Variants in KIF27 observed in about 807,000 individuals in gnomAD.
KIF27 encodes the protein kinesin-like protein KIF27.
Under a neutral mutation model 141.8 loss-of-function variants are expected in KIF27, and 84 were observed. The observed-to-expected ratio is 0.59, with a 90% confidence interval of 0.50 to 0.71. KIF27 has a LOEUF of 0.71. KIF27 is among the 30% of genes least tolerant of loss of function. KIF27 has a pLI of 0.00. For missense variants in KIF27, 1,306 were observed against 1,628.4 expected (o/e 0.80, Z 3.41); for synonymous variants, 471 against 569.5 (o/e 0.83, Z 2.46).
chr9:83,861,425 C>A (rs991597489), intron 13 of KIF27, among the ~76,000 whole-genome samples: 5 of 151,028 alleles, frequency 3.3e-5, no homozygotes, highest in African/African-American at 1.2e-4. Context: ...TGAGAATATG[C>A]GGTGTTTGGA....
chr9:83,867,537 T>G (rs148013728), intron 13 of KIF27, 147 bp downstream of exon 13: 17,522 of 1,073,040 alleles, frequency 0.016, 207 homozygotes, highest in South Asian at 0.036. Flanking sequence ...TTGCACCATT[T>G]TCCAATTTCA....
At position 83,869,977 on chromosome 9, in the gene KIF27, C is replaced by T. The variant is rs185374001; in HGVS notation, c.2757+542G>A. ...TAGAAGCCCAAATCTTAGCATCACA[C>T]AATATACCCATGTAACAAACCTGCA... is the stretch of plus-strand genomic sequence containing the variant. On this transcript the variant is annotated intron_variant, in intron 12 of 17. Transcript: ENST00000297814. Among the ~76,000 whole-genome samples, 284 of 152,250 alleles carry T rather than the reference C, an allele frequency of 1.9e-3. 1 individual carries two copies. The highest frequency in any genetic ancestry group is 3.4e-3 in the Non-Finnish European group (233 of 68,018).
At position 83,842,226 on chromosome 9, in the gene KIF27, A is replaced by C. The variant is rs772908110; in HGVS notation, c.3721+11T>G. ...AAACAGTGTTAAGAGTGACAACACT[A>C]AAAGTCTTACACTCTGATGGTGCTA... On this transcript the variant is annotated intron_variant, in intron 17 of 17. Coordinates refer to ENST00000297814, the MANE Select transcript of KIF27 (RefSeq NM_017576.4). 22 of 1,529,406 alleles carry C rather than the reference A, an allele frequency of 1.4e-5. No individual in the cohort carries two copies. The South Asian group carries it at 2.5e-4, about 17-fold the overall frequency. The allele number at this position is 1,529,406 out of a possible 1,614,324, so 94.7% of individuals were successfully genotyped here.
At chr9:83,910,978 G>T (rs1955095618) in intron 2 of KIF27, among the ~76,000 whole-genome samples, 1 of 152,028 alleles carries the variant, frequency 6.6e-6, no homozygotes, top group African/African-American at 2.4e-5. Flanking sequence ...TTGGAAAAAG[G>T]AATGAAGTTC....
intron 11 of KIF27, among the ~76,000 whole-genome samples, chr9:83,879,118 T>C (rs865869890): frequency 1.3e-5 from 2 of 150,392 alleles, no homozygotes; most frequent in Non-Finnish European, 3.0e-5. Context: ...GCGGAGGTTG[T>C]GTTGAGCCGA....
chr9:83,920,995 G>A (rs908276225), intron 1 of KIF27, among the ~76,000 whole-genome samples: 11 of 152,164 alleles, frequency 7.2e-5, no homozygotes, highest in African/African-American at 2.2e-4. Flanking sequence ...ACCTCACGCC[G>A]TGCAGCGACA....
intron 5 of KIF27, among the ~76,000 whole-genome samples, chr9:83,892,440 TA>T (rs1456484290): frequency 1.3e-5 from 2 of 150,590 alleles, no homozygotes; most frequent in Non-Finnish European, 3.0e-5. Context: ...AAAAAAAGAG[TA>T]AAACTATAAC....
intron 15 of KIF27, among the ~76,000 whole-genome samples, 169 bp downstream of exon 15, chr9:83,853,460 C>T (rs1948834850): frequency 6.6e-6 from 1 of 152,218 alleles, no homozygotes; most frequent in Non-Finnish European, 1.5e-5. Flanking sequence ...AATCACAAAG[C>T]TTTCAGATGA....
At chr9:83,910,446 T>G in intron 2 of KIF27, among the ~76,000 whole-genome samples, 1 of 152,208 alleles carries the variant, frequency 6.6e-6, no homozygotes, top group Non-Finnish European at 1.5e-5. Flanking sequence ...TTGGCAAGAA[T>G]GCTTTTTAAA....
In KIF27 at chr9:83,903,168, C is replaced by T. The variant is rs1300162132; in HGVS notation, c.1350G>A (p.Arg450=). The part of the protein sequence containing the change: ...QEWFNMIQEV[R]KAVLTSFRGI... The stretch of plus-strand genomic sequence containing the variant: ...CTCGAAATGAGGTGAGGACAGCCTT[C>T]CTGACCTCTTGGATCATGTTAAACC... Residue 450 remains arginine (R), a synonymous_variant, in exon 4 of 18, where the codon AGG becomes AGA. Coordinates refer to ENST00000297814, the MANE Select transcript of KIF27 (RefSeq NM_017576.4). 5 of 1,614,124 alleles carry T rather than the reference C, an allele frequency of 3.1e-6. No homozygotes were observed. The highest frequency in any genetic ancestry group is 4.2e-6 in the Non-Finnish European group (5 of 1,180,000).
At chr9:83,851,286 A>G (rs1410193057) in intron 15 of KIF27, among the ~76,000 whole-genome samples, 1 of 152,206 alleles carries the variant, frequency 6.6e-6, no homozygotes, top group Non-Finnish European at 1.5e-5. Flanking sequence ...TGAAACATCT[A>G]GACAATTCCA....
intron 10 of KIF27, among the ~76,000 whole-genome samples, chr9:83,882,028 G>A (rs904301558): frequency 2.0e-5 from 3 of 152,038 alleles, no homozygotes; most frequent in Non-Finnish European, 4.4e-5. Flanking sequence ...TGAAATAACT[G>A]TTTTATACCA....
At chr9:83,845,905 TG>T (rs894368252) in intron 16 of KIF27, among the ~76,000 whole-genome samples, 1 of 152,150 alleles carries the variant, frequency 6.6e-6, no homozygotes, top group Non-Finnish European at 1.5e-5. Context: ...CCCAAGTGAG[TG>T]CTCACCAACG....
At chr9:83,886,895 T>C in intron 9 of KIF27, 146 bp downstream of exon 9, 1 of 788,132 alleles carries the variant, frequency 1.3e-6, no homozygotes, top group Non-Finnish European at 1.8e-6. Flanking sequence ...AACCTCCACA[T>C]ATTGGCCTAA....
In KIF27 at chr9:83,903,681, G is replaced by A. The variant is rs150432893; in HGVS notation, c.837C>T (p.Ser279=). 8.6e-5 allele frequency: 139 copies of A among 1,613,938 alleles called. No homozygotes were observed. Among genetic ancestry groups the A allele is most frequent in the African/African-American group, 2.5e-4 (19 of 74,872 alleles). The change falls in exon 4 of 18, where the codon AGC becomes AGT. Residue 279 remains serine, a synonymous_variant. Coordinates refer to ENST00000297814, the MANE Select transcript of KIF27 (RefSeq NM_017576.4). ...TCTTCCTGCGTGGGTCCCCAAGAGC[G>A]CTTATTACATTTCCTAAAGCCAGCA... The part of the protein sequence containing the change: ...SGLLALGNVI[S]ALGDPRRKSS...
intron 17 of KIF27, among the ~76,000 whole-genome samples, chr9:83,841,809 A>G (rs1350591538): frequency 6.6e-6 from 1 of 152,196 alleles, no homozygotes; most frequent in Non-Finnish European, 1.5e-5. Flanking sequence ...AGGTTCTATT[A>G]CATTTTTTAA....
intron 11 of KIF27, among the ~76,000 whole-genome samples, chr9:83,873,154 T>C (rs1384472044): frequency 2.6e-5 from 4 of 152,184 alleles, no homozygotes; most frequent in Admixed American, 2.0e-4. Flanking sequence ...CCCCATGCTC[T>C]AAACCAGAAG....
chr9:83,854,285 T>G (rs1948942901), intron 14 of KIF27, among the ~76,000 whole-genome samples: 1 of 152,190 alleles, frequency 6.6e-6, no homozygotes, highest in African/African-American at 2.4e-5. Flanking sequence ...ATCTAGAGAC[T>G]CACTGTTGTC....
rs201916131 is a variant in KIF27, at chr9:83,834,589, G to GT, written c.*2411dup. The stretch of plus-strand genomic sequence containing the variant: ...ATGTGTATTTCCACAGGTAAAACAA[G>GT]TATGTGTTAATTTCTTGAGCAAGTA... On this transcript the variant is annotated 3_prime_UTR_variant, in exon 18 of 18. Coordinates refer to ENST00000297814, the MANE Select transcript of KIF27 (RefSeq NM_017576.4). Among the ~76,000 whole-genome samples the GT allele has an allele frequency of 1.5e-3, 234 of 152,056 alleles. No homozygotes were observed. Among genetic ancestry groups the GT allele is most frequent in the African/African-American group, 5.2e-3 (217 of 41,530 alleles).
Sources: gnomAD v4.1 joint callset for allele counts (sites outside exome capture counted in the v4.1 genomes callset) on GRCh38, gnomAD v4.1.1 for gene constraint, MANE v1.5 for transcripts, NCBI Gene and HGNC (gene_info 2026-07-23, HGNC 2026-07-21) for gene names.